LUC7L: variants seen among roughly 807,000 people sequenced by gnomAD.
LUC7L encodes LUC7 like, also known as putative RNA-binding protein Luc7-like 1.
A neutral mutation model predicts 51.1 loss-of-function variants in LUC7L; 29 were observed. That is an observed-to-expected ratio of 0.57 (90% CI 0.42 to 0.77). The LOEUF (loss-of-function observed/expected upper bound fraction) is 0.77. Ranked by LOEUF, LUC7L falls within the 30% of genes least tolerant of loss-of-function variation. The probability of loss-of-function intolerance (pLI) is 0.00; values close to 1 mark genes in which losing one functional copy is unlikely to be tolerated. For missense variants in LUC7L, 403 were observed against 511.9 expected (o/e 0.79, Z 2.05); for synonymous variants, 181 against 180.7 (o/e 1.00, Z -0.01).
chr16:211,200 C>T (rs926551159), intron 3 of LUC7L, among the ~76,000 whole-genome samples: 13 of 152,120 alleles, frequency 8.5e-5, no homozygotes, highest in African/African-American at 1.7e-4. Flanking sequence ...GGCGTGGTGG[C>T]GGGCACCACT....
intron 2 of LUC7L, among the ~76,000 whole-genome samples, chr16:224,310 G>T (rs904111079): frequency 3.3e-5 from 5 of 151,402 alleles, no homozygotes; most frequent in African/African-American, 1.2e-4. Context: ...CCTTAGGTCA[G>T]AAGTTCGTGA....
At position 189,116 on chromosome 16, in the gene LUC7L, G is replaced by A. The variant is rs1345129037; in HGVS notation, c.*82C>T. The A allele has an allele frequency of 7.9e-6, 11 of 1,386,072 alleles. No homozygotes were observed. Among genetic ancestry groups the A allele is most frequent in the Non-Finnish European group, 7.9e-6 (8 of 1,011,558 alleles). 85.9% of individuals were successfully genotyped at this position (1,386,072 alleles called of 1,614,324 possible). A position where few individuals can be genotyped will look rare whatever the true frequency, so the allele number is the denominator to read the frequency against. On this transcript the variant is annotated 3_prime_UTR_variant, in exon 10 of 10. Coordinates refer to ENST00000293872, the MANE Select transcript of LUC7L (RefSeq NM_201412.3). The stretch of plus-strand genomic sequence containing the variant: ...ATAGAAATTTTAAACTACAAAAGAT[G>A]AGTTGTATTCAGCAAATATAAAGGG...
rs113080227 is a variant in LUC7L, at chr16:192,579, C to T, written c.776+348G>A. 2.3e-3 allele frequency among the ~76,000 whole-genome samples: 340 copies of T among 150,564 alleles called. 1 individual carries two copies. Among genetic ancestry groups the T allele is most frequent in the African/African-American group, 7.9e-3 (324 of 40,978 alleles). Reference sequence around the variant, plus strand: ...AGTGCAGTGGCACGATCTCGGCTCACTGCAACCTCTGCCTCCCGGGCTCAA... The same window carrying T: ...AGTGCAGTGGCACGATCTCGGCTCATTGCAACCTCTGCCTCCCGGGCTCAA... On this transcript the variant is annotated intron_variant, in intron 7 of 9. Coordinates refer to ENST00000293872, the MANE Select transcript of LUC7L (RefSeq NM_201412.3).
At chr16:194,609 C>A (rs974995280) in intron 6 of LUC7L, among the ~76,000 whole-genome samples, 1 of 152,178 alleles carries the variant, frequency 6.6e-6, no homozygotes, top group Admixed American at 6.6e-5. Flanking sequence ...AGCAGCCCAA[C>A]CTCAGGGTGC....
intron 6 of LUC7L, among the ~76,000 whole-genome samples, chr16:196,159 G>C (rs2049142911): frequency 6.6e-6 from 1 of 152,126 alleles, no homozygotes; most frequent in Admixed American, 6.5e-5. Context: ...TGTAATCCCA[G>C]CACTTTGGGA....
In LUC7L at chr16:213,678, T is replaced by G. The variant is rs566257572; in HGVS notation, c.256-5490A>C. 5.3e-5 allele frequency among the ~76,000 whole-genome samples: 8 copies of G among 152,328 alleles called. No individual in the cohort carries two copies. The East Asian group carries it at 1.5e-3, about 29-fold the overall frequency. On this transcript the variant is annotated intron_variant, in intron 3 of 9. Coordinates refer to ENST00000293872, the MANE Select transcript of LUC7L (RefSeq NM_201412.3). The stretch of plus-strand genomic sequence containing the variant: ...CCTCGGCCTCCCAAAGTGCTGAGAT[T>G]ACAGGCGTGAGCCACCGCACCCGGC...
chr16:209,938 C>A (rs996547510), intron 3 of LUC7L, among the ~76,000 whole-genome samples: 3 of 152,206 alleles, frequency 2.0e-5, no homozygotes, highest in Non-Finnish European at 4.4e-5. Context: ...AAAGCACAAG[C>A]AGCATCACTG....
In LUC7L at chr16:208,123, C is replaced by T. The variant is rs1251566372; in HGVS notation, c.321G>A (p.Arg107=). ...TGATTTCCTCCTGTGTTTCTGCCAGCCGCTTCTTGGCGAGCTCAGTTCTCC... is the reference window on the plus strand; with the variant it reads ...TGATTTCCTCCTGTGTTTCTGCCAGTCGCTTCTTGGCGAGCTCAGTTCTCC... ...CDRRTELAKK[R]LAETQEEISA... is the part of the protein sequence containing the mutation. Residue 107 remains arginine (R), a synonymous_variant, in exon 4 of 10, where the codon CGG becomes CGA. Transcript: ENST00000293872. The T allele has an allele frequency of 3.1e-6, 5 of 1,613,490 alleles. No homozygotes were observed. The East Asian group carries it at 1.1e-4, about 36-fold the overall frequency.
intron 5 of LUC7L, among the ~76,000 whole-genome samples, chr16:202,301 A>T (rs866262093): frequency 2.2e-4 from 33 of 151,952 alleles, no homozygotes; most frequent in African/African-American, 7.7e-4. Context: ...TCTGAGGTGA[A>T]CTCACTATCC....
intron 3 of LUC7L, among the ~76,000 whole-genome samples, chr16:214,693 A>C (rs1324791909): frequency 6.6e-6 from 1 of 151,912 alleles, no homozygotes; most frequent in African/African-American, 2.4e-5. Context: ...TGTCTGGCTA[A>C]TTTTTTTGGT....
intron 3 of LUC7L, among the ~76,000 whole-genome samples, chr16:218,124 T>C (rs1048534279): frequency 1.4e-5 from 2 of 146,404 alleles, no homozygotes; most frequent in African/African-American, 5.1e-5. Context: ...ACCCAGGAGG[T>C]GGAGGTTACA....
intron 5 of LUC7L, among the ~76,000 whole-genome samples, chr16:202,232 A>G (rs1160487589): frequency 8.1e-6 from 1 of 123,330 alleles, no homozygotes; most frequent in Non-Finnish European, 2.0e-5. Context: ...TCAGCATATC[A>G]CATGGCAAAA....
rs550981793 is a variant in LUC7L at position 193,157 on chromosome 16, T to C, written c.688-142A>G. 1.1e-4 allele frequency: 80 copies of C among 710,046 alleles called. 1 individual carries two copies. In the South Asian group the frequency reaches 1.2e-3, roughly 11 times the overall value. The allele number at this position is 710,046 out of a possible 1,614,324, so 44.0% of individuals were successfully genotyped here. A position where few individuals can be genotyped will look rare whatever the true frequency, so the allele number is the denominator to read the frequency against. Reference sequence around the variant, plus strand: ...CACTTTTAGGAAATGGGAATACTTTTTTTTTTCTCTTTGAAACGGTGTCTC... The same window carrying C: ...CACTTTTAGGAAATGGGAATACTTTCTTTTTTCTCTTTGAAACGGTGTCTC... On this transcript the variant is annotated intron_variant, in intron 6 of 9. Coordinates refer to ENST00000293872, the MANE Select transcript of LUC7L (RefSeq NM_201412.3).
rs775356263 is a variant in LUC7L at position 193,026 on chromosome 16, G to A, written c.688-11C>T. 7 of 1,609,242 alleles carry A rather than the reference G, an allele frequency of 4.3e-6. No individual in the cohort carries two copies. Among genetic ancestry groups the A allele is most frequent in the Non-Finnish European group, 5.9e-6 (7 of 1,178,052 alleles). On this transcript the variant is annotated splice_polypyrimidine_tract_variant and intron_variant, in intron 6 of 9. Coordinates refer to ENST00000293872, the MANE Select transcript of LUC7L (RefSeq NM_201412.3). Reference sequence around the variant, plus strand: ...TTCAGCGACAGTTTTCTAAATAAATGAAACAAAAAATGAGGAAGAGCAAGT... The same window carrying A: ...TTCAGCGACAGTTTTCTAAATAAATAAAACAAAAAATGAGGAAGAGCAAGT...
In LUC7L at chr16:193,642, G is replaced by A. The variant is rs184889151; in HGVS notation, c.688-627C>T. Among the ~76,000 whole-genome samples the A allele has an allele frequency of 1.8e-4, 27 of 151,514 alleles. No homozygotes were observed. The East Asian group carries it at 3.9e-3, about 22-fold the overall frequency. On this transcript the variant is annotated intron_variant, in intron 6 of 9. Transcript: ENST00000293872. ...CTCCTGAGTAGCTGGGATTACAAGC[G>A]TGCCAGCACGGCCGGCTAATTTTTG... is the stretch of plus-strand genomic sequence containing the variant.
Position 229,425 on chromosome 16 carries a change from C to A in LUC7L, c.-86G>T. 3.2e-6 allele frequency: 4 copies of A among 1,239,030 alleles called. No homozygotes were observed. In the South Asian group the frequency reaches 4.8e-5, roughly 15 times the overall value. 76.8% of individuals were successfully genotyped at this position (1,239,030 alleles called of 1,614,324 possible). A position where few individuals can be genotyped will look rare whatever the true frequency, so the allele number is the denominator to read the frequency against. On this transcript the variant is annotated 5_prime_UTR_variant, in exon 1 of 10. Transcript: ENST00000293872. ...CGGCGTCGACAAACGATGGTCGCGT[C>A]GGCCTCGAGCCCACTCGGCTCTTTC...
Position 199,170 on chromosome 16 carries a change from A to G in LUC7L, c.579T>C (p.Cys193=). 6.2e-7 allele frequency: 1 copy of G among 1,612,718 alleles called. No individual in the cohort carries two copies. Among genetic ancestry groups the G allele is most frequent in the Non-Finnish European group, 8.5e-7 (1 of 1,178,766 alleles). ...QQQKLRVCEV[C]SAYLGLHDND... ...TGTCATGGAGACCAAGGTAGGCTGA[A>G]CAGACCTCGCAGACACGCAGCTTTT... Residue 193 remains cysteine, a synonymous_variant, in exon 6 of 10, where the codon TGT becomes TGC. Transcript: ENST00000293872.
chr16:205,676 G>A (rs561988251), intron 5 of LUC7L, among the ~76,000 whole-genome samples: 6 of 152,262 alleles, frequency 3.9e-5, no homozygotes, highest in Admixed American at 6.5e-5. Flanking sequence ...TGCAAGCTCC[G>A]CCTCCCGGGT....
At chr16:217,380 C>T (rs923897074) in intron 3 of LUC7L, among the ~76,000 whole-genome samples, 4 of 152,064 alleles carry the variant, frequency 2.6e-5, no homozygotes, top group Non-Finnish European at 4.4e-5. Context: ...AGGTACCCCC[C>T]AAATATATAC....
Sources: gnomAD v4.1 joint callset for allele counts (sites outside exome capture counted in the v4.1 genomes callset) on GRCh38, gnomAD v4.1.1 for gene constraint, MANE v1.5 for transcripts, NCBI Gene and HGNC (gene_info 2026-07-23, HGNC 2026-07-21) for gene names.